Variants in SEC24B observed in about 807,000 individuals in gnomAD.
SEC24B encodes SEC24 homolog B, COPII component, also known as protein transport protein Sec24B.
In SEC24B, 45 loss-of-function variants were observed where a neutral mutation model predicts 142.8. The observed-to-expected ratio is 0.32, with a 90% CI of 0.25 to 0.40. SEC24B has a LOEUF of 0.40. Among genes scored for constraint, SEC24B ranks in the 10% least tolerant of loss-of-function variants. SEC24B has a pLI of 1.00. For missense variants in SEC24B, 1,409 were observed against 1,526.8 expected (o/e 0.92, Z 1.29); for synonymous variants, 574 against 568.2 (o/e 1.01, Z -0.15).
At chr4:109,526,084 A>G in intron 16 of SEC24B, 142 bp from the exon 17 acceptor site, 1 of 716,704 alleles carries the variant, frequency 1.4e-6, no homozygotes, top group Non-Finnish European at 2.3e-6. Context: ...ATATTTTAGA[A>G]ACTCTGCCTA....
chr4:109,530,375 T>C lies in SEC24B; in HGVS notation c.3163T>C (p.Ser1055Pro). ...AVVDSLSAYG[S>P]TVSNLQHSAL... ...AGTGGACTCATTGTCTGCATATGGC[T>C]CAACTGTCTCAAATTTACAGCACTC... The change falls in exon 19 of 24, where the codon TCA becomes CCA. Residue 1055 changes from serine to proline, a missense_variant. Physicochemically the swap from Ser to Pro is moderately conservative, Grantham distance 74. Coordinates refer to ENST00000265175, the MANE Select transcript of SEC24B (RefSeq NM_006323.5). 2 of 1,614,150 alleles carry C rather than the reference T, an allele frequency of 1.2e-6. No individual in the cohort carries two copies. Among genetic ancestry groups the C allele is most frequent in the Non-Finnish European group, 1.7e-6 (2 of 1,180,008 alleles).
chr4:109,470,985 G>A (rs1732462811), intron 2 of SEC24B, among the ~76,000 whole-genome samples: 1 of 152,102 alleles, frequency 6.6e-6, no homozygotes, highest in Non-Finnish European at 1.5e-5. Flanking sequence ...CCTTCTGTGA[G>A]GAGCATATTG....
intron 12 of SEC24B, among the ~76,000 whole-genome samples, 159 bp from the exon 13 acceptor site, chr4:109,520,958 C>G (rs1473539385): frequency 1.3e-5 from 2 of 152,306 alleles, no homozygotes; most frequent in Admixed American, 6.5e-5. Context: ...TGCCATTGCA[C>G]TCCAGCCTGG....
intron 6 of SEC24B, among the ~76,000 whole-genome samples, chr4:109,497,027 T>G (rs1344216069): frequency 6.6e-6 from 1 of 152,262 alleles, no homozygotes; most frequent in African/African-American, 2.4e-5. Context: ...AGGACAATAG[T>G]CTGCAAACCA....
rs139406149 is a variant in SEC24B, at chr4:109,494,132, G to A, written c.1247-483G>A. On this transcript the variant is annotated intron_variant, in intron 5 of 23. Transcript: ENST00000265175. The stretch of plus-strand genomic sequence containing the variant: ...AAAACTTTATTAACTTTGTGTGTGC[G>A]TTTGTGTGTATTATATAAATATATT... Among the ~76,000 whole-genome samples the A allele has an allele frequency of 3.4e-3, 512 of 152,064 alleles. 3 individuals are homozygous for A. The highest frequency in any genetic ancestry group is 6.1e-3 in the Non-Finnish European group (415 of 68,000).
At chr4:109,508,712 C>G (rs1736987889) in intron 7 of SEC24B, among the ~76,000 whole-genome samples, 1 of 152,144 alleles carries the variant, frequency 6.6e-6, no homozygotes, top group African/African-American at 2.4e-5. Flanking sequence ...ATTAGGAGTA[C>G]AGGCTTTAGA....
intron 6 of SEC24B, among the ~76,000 whole-genome samples, chr4:109,502,841 AATT>A (rs1736290266): frequency 6.6e-6 from 1 of 152,116 alleles, no homozygotes; most frequent in South Asian, 2.1e-4. Context: ...ATAAGCAAAA[AATT>A]TTTTTATAAT....
chr4:109,435,738 A>G (rs1386446619), intron 1 of SEC24B, among the ~76,000 whole-genome samples: 1 of 152,204 alleles, frequency 6.6e-6, no homozygotes, highest in Non-Finnish European at 1.5e-5. Context: ...TGCAATAATC[A>G]TTTCAACATT....
intron 8 of SEC24B, among the ~76,000 whole-genome samples, chr4:109,510,848 G>C (rs965493695): frequency 6.6e-5 from 10 of 152,028 alleles, no homozygotes; most frequent in African/African-American, 2.4e-4. Flanking sequence ...CTGGTTCTGA[G>C]TTTTCTTTTG....
chr4:109,533,644 G>A lies in SEC24B; in HGVS notation c.3547G>A (p.Val1183Met). Reference sequence around the variant, plus strand: ...CTGTGACAATAACTTCATAGAGGATGTGCTTGGATATACTAATTTTGCATC... The same window carrying A: ...CTGTGACAATAACTTCATAGAGGATATGCTTGGATATACTAATTTTGCATC... Reference protein sequence around the residue: ...KGCDNNFIEDVLGYTNFASIP... With the variant: ...KGCDNNFIEDMLGYTNFASIP... Residue 1183 changes from valine (V) to methionine (M), a missense_variant, in exon 22 of 24, where the codon GTG becomes ATG. Around this residue, in one of 2 missense-constraint regions of SEC24B, gnomAD observed 700 missense variants for 853.3 expected, o/e 0.82. Coordinates refer to ENST00000265175, the MANE Select transcript of SEC24B (RefSeq NM_006323.5). 1 of 1,609,686 alleles carries A rather than the reference G, an allele frequency of 6.2e-7. No homozygotes were observed.
chr4:109,481,262 T>C (rs2125982883), intron 3 of SEC24B, among the ~76,000 whole-genome samples: 1 of 152,368 alleles, frequency 6.6e-6, no homozygotes, highest in African/African-American at 2.4e-5. Context: ...GTATGTGTTT[T>C]GTATGCTGTA....
chr4:109,500,147 G>C (rs1417956632), intron 6 of SEC24B, among the ~76,000 whole-genome samples: 7 of 152,156 alleles, frequency 4.6e-5, no homozygotes, highest in African/African-American at 1.7e-4. Flanking sequence ...GTAAAAGGAA[G>C]AACATTTTTT....
chr4:109,473,498 A>G (rs1561102977), intron 3 of SEC24B, among the ~76,000 whole-genome samples: 2 of 152,086 alleles, frequency 1.3e-5, no homozygotes, highest in African/African-American at 2.4e-5. Flanking sequence ...AGGTTATTAT[A>G]GTTTCTTTTA....
chr4:109,501,083 T>G (rs1736083522), intron 6 of SEC24B, among the ~76,000 whole-genome samples: 1 of 152,210 alleles, frequency 6.6e-6, no homozygotes, highest in Non-Finnish European at 1.5e-5. Context: ...CAGAGCAACT[T>G]TGAGTCCTGT....
intron 1 of SEC24B, among the ~76,000 whole-genome samples, chr4:109,451,726 C>T (rs778778400): frequency 3.3e-5 from 5 of 152,062 alleles, no homozygotes; most frequent in African/African-American, 4.8e-5. Context: ...CTTATTACTA[C>T]GGGTGTGTCA....
chr4:109,522,347 G>T (rs746596636), intron 14 of SEC24B, among the ~76,000 whole-genome samples: 1 of 152,080 alleles, frequency 6.6e-6, no homozygotes, highest in Non-Finnish European at 1.5e-5. Flanking sequence ...CACCGTGCCC[G>T]GCGAGAGTTT....
Position 109,539,529 on chromosome 4 carries a change from C to T in SEC24B, c.3693-32C>T, listed in dbSNP as rs199789556. 5.9e-4 allele frequency: 802 copies of T among 1,355,138 alleles called. 1 individual carries two copies. Among genetic ancestry groups the T allele is most frequent in the Non-Finnish European group, 8.0e-4 (759 of 944,680 alleles). 83.9% of individuals were successfully genotyped at this position (1,355,138 alleles called of 1,614,324 possible). Reference sequence around the variant, plus strand: ...GTGGTGAAATCAGGGCTTTTAAATACGTTTAGACAAATGCCCTTTTCTTTC... The same window carrying T: ...GTGGTGAAATCAGGGCTTTTAAATATGTTTAGACAAATGCCCTTTTCTTTC... On this transcript the variant is annotated intron_variant, in intron 23 of 23. Coordinates refer to ENST00000265175, the MANE Select transcript of SEC24B (RefSeq NM_006323.5).
In SEC24B at chr4:109,506,389, C is replaced by T; in HGVS notation, c.1550C>T (p.Pro517Leu). The change falls in exon 7 of 24, where the codon CCA (proline) becomes CTA (leucine). Residue 517 changes from proline (P) to leucine (L), a missense_variant. Physicochemically the swap from Pro to Leu is moderately conservative, Grantham distance 98. Transcript: ENST00000265175. ...GGAGGATTGAGTCTTCAGAGTTCTC[C>T]ACAACCAGAAAGCCTGAGACCTGTA... ...SIGGLSLQSS[P>L]QPESLRPVNL... 2 of 1,610,464 alleles carry T rather than the reference C, an allele frequency of 1.2e-6. No homozygotes were observed. The highest frequency in any genetic ancestry group is 1.7e-5 in the Admixed American group (1 of 59,724).
chr4:109,436,272 G>A (rs975751249), intron 1 of SEC24B, among the ~76,000 whole-genome samples: 19 of 151,478 alleles, frequency 1.3e-4, no homozygotes, highest in African/African-American at 4.4e-4. Context: ...TTTTTGTTTT[G>A]TTTGCTAATC....
Sources: gnomAD v4.1 joint callset for allele counts (sites outside exome capture counted in the v4.1 genomes callset) on GRCh38, gnomAD v4.1.1 for gene constraint, gnomAD v4.1.1 regional missense constraint, MANE v1.5 for transcripts, NCBI Gene and HGNC (gene_info 2026-07-23, HGNC 2026-07-21) for gene names.